NMNAT2: variants seen among roughly 807,000 people sequenced by gnomAD.
NMNAT2 encodes the protein nicotinamide nucleotide adenylyltransferase 2.
In NMNAT2, 11 loss-of-function variants were observed where a neutral mutation model predicts 41.6. The ratio of observed to expected loss-of-function variants is 0.26; its 90% confidence interval spans 0.17 to 0.44. The LOEUF (loss-of-function observed/expected upper bound fraction) is 0.44, where lower values mean the gene tolerates loss of function less well. Among genes scored for constraint, NMNAT2 ranks in the 20% least tolerant of loss-of-function variants. The pLI is 1.00. For missense variants in NMNAT2, 288 were observed against 407.7 expected (o/e 0.71, Z 2.53); for synonymous variants, 148 against 151.2 (o/e 0.98, Z 0.16).
intron 1 of NMNAT2, among the ~76,000 whole-genome samples, chr1:183,351,918 C>T (rs1441489795): frequency 6.6e-6 from 1 of 152,124 alleles, no homozygotes; most frequent in African/African-American, 2.4e-5. Context: ...TTTGTGAGGA[C>T]ATAACTGTAA....
At chr1:183,319,681 T>G (rs921860245) in intron 1 of NMNAT2, among the ~76,000 whole-genome samples, 2 of 152,214 alleles carry the variant, frequency 1.3e-5, no homozygotes, top group Non-Finnish European at 2.9e-5. Flanking sequence ...TCTCTTTCTC[T>G]CTTCCTTTAT....
chr1:183,335,467 G>A (rs1358293399), intron 1 of NMNAT2, among the ~76,000 whole-genome samples: 1 of 152,214 alleles, frequency 6.6e-6, no homozygotes. Context: ...CTGTGGCAAG[G>A]TGATGTGAGG....
chr1:183,399,789 T>A (rs915919671), intron 1 of NMNAT2, among the ~76,000 whole-genome samples: 4 of 152,202 alleles, frequency 2.6e-5, no homozygotes, highest in Non-Finnish European at 5.9e-5. Flanking sequence ...ATTCATCATA[T>A]AAACAGAACC....
At chr1:183,405,826 G>A (rs1648940943) in intron 1 of NMNAT2, among the ~76,000 whole-genome samples, 1 of 152,210 alleles carries the variant, frequency 6.6e-6, no homozygotes, top group Non-Finnish European at 1.5e-5. Context: ...AGCCCTGCCT[G>A]GGAACGTGCA....
chr1:183,274,653 C>T (rs905721835), intron 8 of NMNAT2, among the ~76,000 whole-genome samples: 1 of 151,354 alleles, frequency 6.6e-6, no homozygotes, highest in Non-Finnish European at 1.5e-5. Flanking sequence ...AATTTTGAAC[C>T]TAGTGCAGTG....
intron 1 of NMNAT2, among the ~76,000 whole-genome samples, chr1:183,302,283 T>C (rs760017351): frequency 2.0e-5 from 3 of 152,176 alleles, no homozygotes; most frequent in African/African-American, 2.4e-5. Context: ...GGCCACAGCA[T>C]ATACTTTGCT....
At chr1:183,337,594 A>G (rs1374600181) in intron 1 of NMNAT2, among the ~76,000 whole-genome samples, 1 of 149,724 alleles carries the variant, frequency 6.7e-6, no homozygotes, top group Non-Finnish European at 1.5e-5. Context: ...AAAAAATACC[A>G]TACATTTGAG....
intron 1 of NMNAT2, among the ~76,000 whole-genome samples, chr1:183,297,663 G>A (rs985913513): frequency 7.2e-5 from 11 of 152,144 alleles, no homozygotes; most frequent in Admixed American, 3.3e-4. Flanking sequence ...TTACAGGCGT[G>A]AGCCACCATG....
intron 1 of NMNAT2, among the ~76,000 whole-genome samples, chr1:183,400,372 C>T (rs536522216): frequency 1.4e-4 from 21 of 152,184 alleles, no homozygotes; most frequent in Non-Finnish European, 2.6e-4. Flanking sequence ...TGAAGGACCT[C>T]TTCATGGAGA....
At chr1:183,402,906 C>T (rs1221925583) in intron 1 of NMNAT2, among the ~76,000 whole-genome samples, 5 of 152,112 alleles carry the variant, frequency 3.3e-5, no homozygotes, top group Non-Finnish European at 5.9e-5. Flanking sequence ...GACTTTACCC[C>T]CAAAGCTGCT....
At chr1:183,366,984 T>G (rs1663427290) in intron 1 of NMNAT2, among the ~76,000 whole-genome samples, 1 of 152,178 alleles carries the variant, frequency 6.6e-6, no homozygotes, top group Non-Finnish European at 1.5e-5. Flanking sequence ...GCTCCCAGTT[T>G]GTTACTTATA....
intron 1 of NMNAT2, among the ~76,000 whole-genome samples, chr1:183,379,239 G>T (rs906132554): frequency 6.6e-6 from 1 of 152,046 alleles, no homozygotes; most frequent in Non-Finnish European, 1.5e-5. Flanking sequence ...GGAATGCAGT[G>T]GCATGATCAT....
At chr1:183,290,491 A>C (rs1239873275) in intron 3 of NMNAT2, 1 of 341,232 alleles carries the variant, frequency 2.9e-6, no homozygotes, top group Non-Finnish European at 5.4e-6. Context: ...GCTTTGGGAA[A>C]GTTATGTGAT....
rs1481208962 is a variant in NMNAT2, at chr1:183,418,336, G to A, written c.-69C>T. The A allele has an allele frequency of 6.7e-7, 1 of 1,482,554 alleles. No individual in the cohort carries two copies. Among genetic ancestry groups the A allele is most frequent in the African/African-American group, 1.4e-5 (1 of 72,108 alleles). 91.8% of individuals were successfully genotyped at this position (1,482,554 alleles called of 1,614,324 possible). On this transcript the variant is annotated 5_prime_UTR_variant, in exon 1 of 11. Coordinates refer to ENST00000287713, the MANE Select transcript of NMNAT2 (RefSeq NM_015039.4). ...TTTTGTGTCTCGTTGTGTCTGCAGA[G>A]GGAGAAAGGAAGGCGAGGCTCCGGC...
At chr1:183,294,789 A>G (rs1661639770) in intron 1 of NMNAT2, among the ~76,000 whole-genome samples, 1 of 152,212 alleles carries the variant, frequency 6.6e-6, no homozygotes, top group South Asian at 2.1e-4. Context: ...GACTCCATCT[A>G]AAAACAAAAC....
At chr1:183,350,508 G>T (rs1473268354) in intron 1 of NMNAT2, among the ~76,000 whole-genome samples, 1 of 152,206 alleles carries the variant, frequency 6.6e-6, no homozygotes, top group Non-Finnish European at 1.5e-5. Flanking sequence ...GTTATCTTCA[G>T]TAAGGAATAT....
At chr1:183,344,494 G>T (rs946102201) in intron 1 of NMNAT2, among the ~76,000 whole-genome samples, 2 of 152,162 alleles carry the variant, frequency 1.3e-5, no homozygotes, top group African/African-American at 2.4e-5. Context: ...ACTGTCAGGT[G>T]TTTGAGAGCA....
chr1:183,414,935 T>C (rs533849487), intron 1 of NMNAT2, among the ~76,000 whole-genome samples: 2 of 152,216 alleles, frequency 1.3e-5, no homozygotes, highest in East Asian at 3.9e-4. Context: ...GTGTCTGTTT[T>C]TTAAAAAAAA....
intron 1 of NMNAT2, among the ~76,000 whole-genome samples, chr1:183,352,944 C>A (rs1212102463): frequency 6.6e-6 from 1 of 152,106 alleles, no homozygotes; most frequent in Non-Finnish European, 1.5e-5. Context: ...TACAACTGAC[C>A]AAATGGGCAA....
Sources: allele counts gnomAD v4.1 joint callset (sites outside exome capture counted in the v4.1 genomes callset), GRCh38; gene constraint gnomAD v4.1.1; transcripts MANE v1.5; gene names NCBI Gene and HGNC (gene_info 2026-07-23, HGNC 2026-07-21).